The following EPHA3 variants were observed in gnomAD, a reference collection of about 807,000 sequenced individuals.
EPHA3 encodes the protein EPH receptor A3.
In EPHA3, 42 loss-of-function variants were observed where a neutral mutation model predicts 107.1. The ratio of observed to expected loss-of-function variants is 0.39; its 90% confidence interval spans 0.31 to 0.51. EPHA3 has a LOEUF of 0.51. Among genes scored for constraint, EPHA3 ranks in the 20% least tolerant of loss-of-function variants. EPHA3 has a pLI of 0.78. For missense variants in EPHA3, 1,183 were observed against 1,211.2 expected (o/e 0.98, Z 0.35); for synonymous variants, 461 against 424.8 (o/e 1.09, Z -1.05).
Position 89,304,011 on chromosome 3 carries a change from A to G in EPHA3, c.815-36905A>G, listed in dbSNP as rs555758279. 3.3e-5 allele frequency among the ~76,000 whole-genome samples: 5 copies of G among 152,244 alleles called. No individual in the cohort carries two copies. The East Asian group carries it at 9.7e-4, about 29-fold the overall frequency. ...CTTGCTGATTTTCAAACTATTGAAC[A>G]TCTTTAGACCATTTTCTTCTACACT... On this transcript the variant is annotated intron_variant, in intron 3 of 16. Transcript: ENST00000336596.
intron 3 of EPHA3, among the ~76,000 whole-genome samples, chr3:89,326,135 A>G (rs1476338316): frequency 6.6e-6 from 1 of 151,782 alleles, no homozygotes; most frequent in Non-Finnish European, 1.5e-5. Flanking sequence ...TATTACATAT[A>G]TTATACAGAG....
At chr3:89,264,874 G>C (rs1266500498) in intron 3 of EPHA3, among the ~76,000 whole-genome samples, 1 of 152,050 alleles carries the variant, frequency 6.6e-6, no homozygotes, top group African/African-American at 2.4e-5. Context: ...GAGTCATTAA[G>C]AATATTAATG....
At chr3:89,301,955 A>G (rs1706501651) in intron 3 of EPHA3, among the ~76,000 whole-genome samples, 1 of 152,136 alleles carries the variant, frequency 6.6e-6, no homozygotes, top group Non-Finnish European at 1.5e-5. Context: ...GAGTGTACTC[A>G]AGTAAAGAAG....
intron 3 of EPHA3, among the ~76,000 whole-genome samples, chr3:89,339,147 C>A (rs940211912): frequency 6.6e-6 from 1 of 151,788 alleles, no homozygotes; most frequent in Non-Finnish European, 1.5e-5. Context: ...CCGAGGCGGG[C>A]GGATCACAAG....
intron 3 of EPHA3, among the ~76,000 whole-genome samples, chr3:89,272,340 TA>T (rs1387017975): frequency 6.6e-6 from 1 of 151,878 alleles, no homozygotes; most frequent in Non-Finnish European, 1.5e-5. Flanking sequence ...TTTAAAAATT[TA>T]AATAAAAATA....
intron 2 of EPHA3, among the ~76,000 whole-genome samples, chr3:89,194,025 A>G (rs1173478684): frequency 6.6e-6 from 1 of 152,018 alleles, no homozygotes; most frequent in Non-Finnish European, 1.5e-5. Context: ...ACATTTGTAA[A>G]CATATGATAA....
At chr3:89,462,188 T>G (rs1205456428) in intron 15 of EPHA3, among the ~76,000 whole-genome samples, 1 of 33,552 alleles carries the variant, frequency 3.0e-5, no homozygotes, top group African/African-American at 1.7e-4. Context: ...TTGATCTATA[T>G]CTCTGTTTTG....
rs1486248259 is a variant in EPHA3, at chr3:89,359,760, CAT to C, written c.1306+17676_1306+17677del. Among the ~76,000 whole-genome samples the C allele has an allele frequency of 6.6e-5, 9 of 137,266 alleles. No individual in the cohort carries two copies. The South Asian group carries it at 1.7e-3, about 27-fold the overall frequency. 90.1% of individuals were successfully genotyped at this position (137,266 alleles called of 152,430 possible). A position where few individuals can be genotyped will look rare whatever the true frequency, so the allele number is the denominator to read the frequency against. On this transcript the variant is annotated intron_variant, in intron 5 of 16. Coordinates refer to ENST00000336596, the MANE Select transcript of EPHA3 (RefSeq NM_005233.6). ...ATACACATATATACACATATATACA[CAT>C]ATATACACACATATATATACATATA...
At chr3:89,469,879 C>T (rs577082656) in intron 15 of EPHA3, among the ~76,000 whole-genome samples, 13 of 152,136 alleles carry the variant, frequency 8.5e-5, no homozygotes, top group African/African-American at 3.1e-4. Flanking sequence ...ACCACAAATT[C>T]TAAACTTTGA....
chr3:89,339,239 C>T lies in EPHA3; in HGVS notation c.815-1677C>T, dbSNP rs532610964. On this transcript the variant is annotated intron_variant, in intron 3 of 16. Coordinates refer to ENST00000336596, the MANE Select transcript of EPHA3 (RefSeq NM_005233.6). Reference sequence around the variant, plus strand: ...TACAAAAATTAGCTAGGCCTGGTGGCGCACGCCTGTAATCCCAGCTACCTG... The same window carrying T: ...TACAAAAATTAGCTAGGCCTGGTGGTGCACGCCTGTAATCCCAGCTACCTG... Among the ~76,000 whole-genome samples the T allele has an allele frequency of 1.5e-3, 230 of 151,990 alleles. 4 individuals carry two copies. Among genetic ancestry groups the T allele is most frequent in the Non-Finnish European group, 2.6e-3 (176 of 67,926 alleles).
intron 7 of EPHA3, among the ~76,000 whole-genome samples, chr3:89,406,195 T>C (rs1268495114): frequency 6.6e-6 from 1 of 152,160 alleles, no homozygotes; most frequent in Non-Finnish European, 1.5e-5. Flanking sequence ...AGGAGAAGGT[T>C]ATTTTATATT....
chr3:89,218,330 C>G (rs1455272394), intron 3 of EPHA3, among the ~76,000 whole-genome samples: 5 of 137,570 alleles, frequency 3.6e-5, no homozygotes, highest in Non-Finnish European at 7.7e-5. Flanking sequence ...GTGATGTTCC[C>G]CTTCCTGTGT....
chr3:89,341,680 A>G (rs1424144089), intron 4 of EPHA3, 75 bp from the exon 5 acceptor site: 1 of 1,191,262 alleles, frequency 8.4e-7, no homozygotes, highest in East Asian at 2.4e-5. Context: ...ATTCAGTTCC[A>G]TTGTAAATTA....
In EPHA3 at chr3:89,309,920, A is replaced by G. The variant is rs1576303710; in HGVS notation, c.815-30996A>G. ...TTCCATTTCATAATGCCATTCTCAT[A>G]TCCTGTGGTTTTTATTACTACAAGT... On this transcript the variant is annotated intron_variant, in intron 3 of 16. Transcript: ENST00000336596. Among the ~76,000 whole-genome samples, 4 of 149,036 alleles carry G rather than the reference A, an allele frequency of 2.7e-5. No homozygotes were observed. In the South Asian group the frequency reaches 8.5e-4, roughly 32 times the overall value.
intron 2 of EPHA3, among the ~76,000 whole-genome samples, chr3:89,183,686 T>C (rs1705495154): frequency 1.3e-5 from 2 of 151,976 alleles, no homozygotes; most frequent in Non-Finnish European, 2.9e-5. Context: ...AACATGATGA[T>C]TTTTTAAAGA....
intron 15 of EPHA3, among the ~76,000 whole-genome samples, chr3:89,469,670 T>G (rs1240382448): frequency 6.6e-6 from 1 of 152,188 alleles, no homozygotes; most frequent in East Asian, 1.9e-4. Flanking sequence ...AACAGGAGCT[T>G]TTACCACATA....
intron 2 of EPHA3, among the ~76,000 whole-genome samples, chr3:89,185,209 T>G (rs550819549): frequency 1.3e-5 from 2 of 152,174 alleles, no homozygotes; most frequent in African/African-American, 4.8e-5. Context: ...AGCAAAGTTC[T>G]AGCTTTTCTC....
chr3:89,228,276 G>T (rs1704545833), intron 3 of EPHA3, among the ~76,000 whole-genome samples: 1 of 151,818 alleles, frequency 6.6e-6, no homozygotes, highest in South Asian at 2.1e-4. Context: ...TACAAAAGCA[G>T]AAAAGAAAAC....
chr3:89,154,118 C>A (rs1704744131), intron 2 of EPHA3, among the ~76,000 whole-genome samples: 1 of 151,816 alleles, frequency 6.6e-6, no homozygotes, highest in Non-Finnish European at 1.5e-5. Context: ...TTTTAAATTG[C>A]ATTTACTGTT....
Sources: allele counts gnomAD v4.1 joint callset (sites outside exome capture counted in the v4.1 genomes callset), GRCh38; gene constraint gnomAD v4.1.1; transcripts MANE v1.5; gene names NCBI Gene and HGNC (gene_info 2026-07-23, HGNC 2026-07-21).